MCF2L: variants seen among roughly 807,000 people sequenced by gnomAD.
MCF2L encodes guanine nucleotide exchange factor DBS.
Under a neutral mutation model 153.4 loss-of-function variants are expected in MCF2L, and 97 were observed. The observed-to-expected ratio is 0.63, with a 90% CI of 0.54 to 0.75. The LOEUF (loss-of-function observed/expected upper bound fraction) is 0.75. Ranked by LOEUF, MCF2L falls within the 30% of genes least tolerant of loss-of-function variation. MCF2L has a pLI of 0.00. For synonymous variants in MCF2L, 659 were observed against 632.2 expected (o/e 1.04, Z -0.64); for missense variants, 1,347 against 1,495.2 (o/e 0.90, Z 1.64).
At chr13:112,906,543 C>T (rs1240176249) in intron 2 of MCF2L, among the ~76,000 whole-genome samples, 1 of 152,214 alleles carries the variant, frequency 6.6e-6, no homozygotes, top group Non-Finnish European at 1.5e-5. Context: ...TTGTCTGGCT[C>T]TCCTCTCCCT....
intron 2 of MCF2L, among the ~76,000 whole-genome samples, chr13:113,023,088 C>T (rs1349441795): frequency 1.3e-5 from 2 of 152,216 alleles, no homozygotes; most frequent in African/African-American, 4.8e-5. Context: ...CCTTAGAATG[C>T]AGCATTGCGG....
chr13:113,091,035 C>T (rs922690377), intron 26 of MCF2L: 19 of 1,290,394 alleles, frequency 1.5e-5, no homozygotes, highest in African/African-American at 6.4e-5. Flanking sequence ...CCTTCCAGCA[C>T]GAGCGCGGGT....
At position 112,899,064 on chromosome 13, in the gene MCF2L, C is replaced by T. The variant is rs570481099; in HGVS notation, c.-4-3135C>T. On this transcript the variant is annotated intron_variant, in intron 1 of 29. Transcript: ENST00000375608. ...GGCTCTCCCTGGGATCCGAGCTCCT[C>T]GGGGACAGGAGCTTCCCTGACATTT... Among the ~76,000 whole-genome samples the T allele has an allele frequency of 2.4e-3, 368 of 152,372 alleles. 1 individual carries two copies. The highest frequency in any genetic ancestry group is 8.2e-3 in the African/African-American group (339 of 41,590).
At chr13:112,988,846 C>CACCTGAGTCCTCCCTGA (rs1566696078) in intron 1 of MCF2L, among the ~76,000 whole-genome samples, 9 of 83,736 alleles carry the variant, frequency 1.1e-4, no homozygotes, top group Admixed American at 3.2e-4. Context: ...GGAGCTACCA[C>CACCTGAGTCCTCCCTGA]GCCCAAGTCC....
intron 1 of MCF2L, among the ~76,000 whole-genome samples, chr13:113,000,333 C>G (rs992004094): frequency 6.6e-6 from 1 of 152,128 alleles, no homozygotes; most frequent in Non-Finnish European, 1.5e-5. Flanking sequence ...ATGGACATCA[C>G]AGCCCCTCGG....
At chr13:112,998,490 A>G (rs1008949750) in intron 1 of MCF2L, among the ~76,000 whole-genome samples, 5 of 152,174 alleles carry the variant, frequency 3.3e-5, no homozygotes, top group Non-Finnish European at 5.9e-5. Flanking sequence ...TACATTATTC[A>G]TGGAGCTGAC....
intron 27 of MCF2L, chr13:113,095,862 C>G (rs148844547): frequency 1.8e-3 from 1,681 of 924,402 alleles, no homozygotes; most frequent in Non-Finnish European, 2.1e-3. Context: ...GTGCCAGGCA[C>G]AGTTCTAGGC....
In MCF2L at chr13:113,066,073, G is replaced by A; in HGVS notation, c.784G>A (p.Gly262Arg). Residue 262 changes from glycine to arginine, a missense_variant, in exon 8 of 30, where the codon GGG (glycine) becomes AGG (arginine). Physicochemically the swap from Gly to Arg is moderately radical, Grantham distance 125 (BLOSUM62 -2). This residue lies in a region of MCF2L where 820 missense variants were observed against 921.2 expected (regional missense o/e 0.89). Coordinates refer to ENST00000535094, the MANE Select transcript of MCF2L (RefSeq NM_001112732.3). ...KEDLRLALKEGHSVLESLREL... is the reference protein window; with the variant it reads ...KEDLRLALKERHSVLESLREL... The stretch of plus-strand genomic sequence containing the variant: ...GGATTTGAGGCTGGCACTGAAAGAG[G>A]GGCACAGTGTCCTGGAGAGCCTCAG... 1 of 1,613,240 alleles carries A rather than the reference G, an allele frequency of 6.2e-7. No individual in the cohort carries two copies. The highest frequency in any genetic ancestry group is 8.5e-7 in the Non-Finnish European group (1 of 1,179,908).
At position 113,085,182 on chromosome 13, in the gene MCF2L, G is replaced by A. The variant is rs753121920; in HGVS notation, c.2247+4G>A. The A allele has an allele frequency of 3.7e-6, 6 of 1,612,800 alleles. No homozygotes were observed. The Admixed American group carries it at 1.0e-4, about 27-fold the overall frequency. ...CAAGTACCAGCTGCTGCTCAAGGTGGGCTCCGCGGTGACCGTGGCCCGGCC... is the reference window on the plus strand; with the variant it reads ...CAAGTACCAGCTGCTGCTCAAGGTGAGCTCCGCGGTGACCGTGGCCCGGCC... On this transcript the variant is annotated splice_donor_region_variant and intron_variant, in intron 20 of 29. Coordinates refer to ENST00000535094, the MANE Select transcript of MCF2L (RefSeq NM_001112732.3).
At chr13:113,096,202 C>T (rs1595050278) in intron 27 of MCF2L, 169 bp from the exon 28 acceptor site, 1 of 620,788 alleles carries the variant, frequency 1.6e-6, no homozygotes, top group South Asian at 1.9e-5. Flanking sequence ...GGTAGTCATG[C>T]CCTGCGGCGT....
chr13:112,925,597 G>T (rs1460476238), intron 2 of MCF2L, among the ~76,000 whole-genome samples: 1 of 152,088 alleles, frequency 6.6e-6, no homozygotes, highest in Non-Finnish European at 1.5e-5. Context: ...TCAAGATCAG[G>T]CAAAACTAGC....
chr13:113,071,788 A>G (rs1004187744), intron 9 of MCF2L, among the ~76,000 whole-genome samples: 4 of 152,234 alleles, frequency 2.6e-5, no homozygotes, highest in Admixed American at 1.3e-4. Context: ...ATGTCTTGAA[A>G]TCAAGTACAC....
intron 1 of MCF2L, among the ~76,000 whole-genome samples, chr13:112,995,439 G>A (rs994355106): frequency 2.0e-5 from 3 of 152,210 alleles, no homozygotes; most frequent in East Asian, 1.9e-4. Context: ...TGCTTAGTAC[G>A]TGTTGGCACT....
In MCF2L at chr13:113,027,478, A is replaced by G. The variant is rs1318626625; in HGVS notation, c.278+2720A>G. Among the ~76,000 whole-genome samples the G allele has an allele frequency of 6.6e-6, 1 of 152,162 alleles. No individual in the cohort carries two copies. The highest frequency in any genetic ancestry group is 2.4e-5 in the African/African-American group (1 of 41,438). On this transcript the variant is annotated intron_variant, in intron 3 of 29. Coordinates refer to ENST00000535094, the MANE Select transcript of MCF2L (RefSeq NM_001112732.3). This position sits in a 1 kb window ranked among gnomAD's most constrained non-coding sequence, Gnocchi z 4.8. ...ACTGACTATGGTCAAAGCCCTGGAC[A>G]TGGCGGTGTCCTGGTAGCCCCAAAT...
In MCF2L at chr13:112,995,468, G is replaced by A. The variant is rs184073929; in HGVS notation, c.80-19295G>A. On this transcript the variant is annotated intron_variant, in intron 1 of 29. Coordinates refer to ENST00000535094, the MANE Select transcript of MCF2L (RefSeq NM_001112732.3). Reference sequence around the variant, plus strand: ...TGGCACTGCAACTGCTGTCCTTGCCGCTGTGTGAGCTGCTGCTGGGTGGCA... The same window carrying A: ...TGGCACTGCAACTGCTGTCCTTGCCACTGTGTGAGCTGCTGCTGGGTGGCA... Among the ~76,000 whole-genome samples, 38 of 152,308 alleles carry A rather than the reference G, an allele frequency of 2.5e-4. No individual in the cohort carries two copies. In the South Asian group the frequency reaches 5.4e-3, roughly 22 times the overall value.
chr13:113,083,631 T>C lies in MCF2L; in HGVS notation c.1992-367T>C, dbSNP rs575835240. On this transcript the variant is annotated intron_variant, in intron 17 of 29. Transcript: ENST00000535094. ...GCCTAGGGCCAGGGCTCAGGGTGTG[T>C]CTGCAGAGAACCCACAGACCCACGG... Among the ~76,000 whole-genome samples the C allele has an allele frequency of 2.1e-3, 327 of 152,266 alleles. 3 individuals are homozygous for C. Among genetic ancestry groups the C allele is most frequent in the African/African-American group, 7.7e-3 (322 of 41,552 alleles).
At chr13:112,898,716 C>T (rs74115710) in intron 1 of MCF2L, among the ~76,000 whole-genome samples, 4,661 of 152,272 alleles carry the variant, frequency 0.031, 242 homozygotes, top group African/African-American at 0.11. Context: ...GGCCTCCCTG[C>T]CCCCCAAGTC....
intron 3 of MCF2L, among the ~76,000 whole-genome samples, chr13:113,041,547 CCA>C (rs1566785744): frequency 6.8e-4 from 102 of 150,820 alleles, no homozygotes; most frequent in East Asian, 1.4e-3. Flanking sequence ...GGCCCTGCCC[CCA>C]TGACCACAGT....
At chr13:113,094,954 T>C in intron 27 of MCF2L, 1 of 1,387,740 alleles carries the variant, frequency 7.2e-7, no homozygotes, top group East Asian at 4.1e-5. Context: ...TTTGTGTTTC[T>C]GGGTTAATTT....
Sources: allele counts gnomAD v4.1 joint callset (sites outside exome capture counted in the v4.1 genomes callset), GRCh38; gene constraint gnomAD v4.1.1; regional missense constraint gnomAD v4.1.1; non-coding constraint Gnocchi (gnomAD v3.1); transcripts MANE v1.5; gene names NCBI Gene and HGNC (gene_info 2026-07-23, HGNC 2026-07-21).